Variants in ABCA1 observed in about 807,000 individuals in gnomAD.
The protein encoded by ABCA1 is phospholipid-transporting ATPase ABCA1.
ABCA1 carries 133 observed loss-of-function variants against 262.5 expected under a neutral mutation model. That is an observed-to-expected ratio of 0.51 (90% CI 0.44 to 0.59). The LOEUF (loss-of-function observed/expected upper bound fraction) is 0.59. Ranked by LOEUF, ABCA1 falls within the 20% of genes least tolerant of loss-of-function variation. The pLI is 0.00. For synonymous variants in ABCA1, 1,022 were observed against 1,043.5 expected, an observed-to-expected ratio of 0.98 and a Z score of 0.40; for missense variants, 2,452 against 2,777.5, an observed-to-expected ratio of 0.88 and a Z score of 2.63.
intron 6 of ABCA1, chr9:104,861,289 G>T (rs2472378): frequency 0.33 from 107,855 of 328,718 alleles, 20,886 homozygotes; most frequent in African/African-American, 0.62. Flanking sequence ...CTTGTCTAAA[G>T]TCTCCTGTCC....
intron 9 of ABCA1, among the ~76,000 whole-genome samples, chr9:104,839,707 A>G (rs1039722470): frequency 1.3e-4 from 20 of 152,220 alleles, no homozygotes; most frequent in African/African-American, 4.3e-4. Flanking sequence ...ATGTTTTAAT[A>G]TATGTATACT....
At chr9:104,899,202 T>C (rs1012866347) in intron 2 of ABCA1, among the ~76,000 whole-genome samples, 3 of 152,174 alleles carry the variant, frequency 2.0e-5, no homozygotes, top group African/African-American at 4.8e-5. Context: ...AGGCAGATGG[T>C]GGCCAAGCTG....
intron 43 of ABCA1, among the ~76,000 whole-genome samples, chr9:104,791,479 G>A (rs888119491): frequency 3.3e-5 from 5 of 150,704 alleles, no homozygotes; most frequent in Admixed American, 2.0e-4. Flanking sequence ...CTGTCACCAG[G>A]CTGGAGTGCA....
rs568112600 is a variant in ABCA1 at position 104,818,153 on chromosome 9, T to C, written c.3462+510A>G. 4.2e-5 allele frequency among the ~76,000 whole-genome samples: 6 copies of C among 143,726 alleles called. No individual in the cohort carries two copies. The highest frequency in any genetic ancestry group is 7.4e-5 in the African/African-American group (3 of 40,556). The allele number at this position is 143,726 out of a possible 152,430, so 94.3% of individuals were successfully genotyped here. On this transcript the variant is annotated intron_variant, in intron 23 of 49. Coordinates refer to ENST00000374736, the MANE Select transcript of ABCA1 (RefSeq NM_005502.4). ...TTCCCAGGGTCTCTCTGCACTTTAATTGAGATGATAGAGGTTAAAAAAAAA... is the reference window on the plus strand; with the variant it reads ...TTCCCAGGGTCTCTCTGCACTTTAACTGAGATGATAGAGGTTAAAAAAAAA...
intron 1 of ABCA1, among the ~76,000 whole-genome samples, chr9:104,914,738 T>G (rs1038407886): frequency 1.3e-5 from 2 of 152,146 alleles, no homozygotes; most frequent in Non-Finnish European, 2.9e-5. Flanking sequence ...AAAAGATAGT[T>G]AAAGCAGATT....
At position 104,889,224 on chromosome 9, in the gene ABCA1, A is replaced by G; in HGVS notation, c.67-29T>C. On this transcript the variant is annotated intron_variant, in intron 2 of 49. Transcript: ENST00000374736. ...AGTGGGAAATAAGATAGAACACTGT[A>G]AATTTAAAAATAATATGGATATCCA... 1.9e-6 allele frequency: 3 copies of G among 1,608,438 alleles called. No homozygotes were observed. In the East Asian group the frequency reaches 6.7e-5, roughly 36 times the overall value.
rs72732685 is a variant in ABCA1, at chr9:104,858,907, C to A, written c.544-209G>T. ...GGCACAATGACAGGACACTTAAAAC[C>A]TGCAAGTTGCATTAACTCAGTATCT... On this transcript the variant is annotated intron_variant, in intron 6 of 49. Transcript: ENST00000374736. Among the ~76,000 whole-genome samples, 520 of 152,300 alleles carry A rather than the reference C, an allele frequency of 3.4e-3. 2 individuals are homozygous for A. Among genetic ancestry groups the A allele is most frequent in the Non-Finnish European group, 5.2e-3 (351 of 68,028 alleles).
intron 2 of ABCA1, among the ~76,000 whole-genome samples, chr9:104,901,344 G>A (rs1244505850): frequency 6.6e-6 from 1 of 152,100 alleles, no homozygotes; most frequent in Non-Finnish European, 1.5e-5. Flanking sequence ...TCCCTGCTTT[G>A]TACCTCAGCT....
intron 25 of ABCA1, among the ~76,000 whole-genome samples, chr9:104,815,124 T>C (rs1831628409): frequency 6.6e-6 from 1 of 152,216 alleles, no homozygotes; most frequent in Non-Finnish European, 1.5e-5. Context: ...TTGAGTAGGC[T>C]AGTACTATGA....
chr9:104,858,727 A>T, intron 6 of ABCA1, 29 bp from the exon 7 acceptor site: 1 of 1,612,828 alleles, frequency 6.2e-7, no homozygotes, highest in Non-Finnish European at 8.5e-7. Flanking sequence ...AAGAGAGACA[A>T]GCACAAGAGG....
rs941430199 is a variant in ABCA1 at position 104,792,780 on chromosome 9, T to G, written c.5757+6A>C. ...AGATGAGCTATTGTAACCTGTACTC[T>G]CTCACCTTCGTCAACTCCTTGATTT... On this transcript the variant is annotated splice_donor_region_variant and intron_variant, in intron 42 of 49. Transcript: ENST00000374736. 7 of 1,614,004 alleles carry G rather than the reference T, an allele frequency of 4.3e-6. No individual in the cohort carries two copies. The African/African-American group carries it at 6.7e-5, about 15-fold the overall frequency.
intron 5 of ABCA1, among the ~76,000 whole-genome samples, chr9:104,869,536 T>C (rs1437742658): frequency 6.6e-6 from 1 of 152,214 alleles, no homozygotes; most frequent in Non-Finnish European, 1.5e-5. Flanking sequence ...TGCTCTGCTG[T>C]CTTCTTGAAG....
intron 2 of ABCA1, among the ~76,000 whole-genome samples, chr9:104,897,118 T>C (rs1344926794): frequency 2.6e-5 from 4 of 152,098 alleles, no homozygotes; most frequent in African/African-American, 4.8e-5. Context: ...TGACATGATA[T>C]GAATGTGAAG....
intron 1 of ABCA1, among the ~76,000 whole-genome samples, chr9:104,905,294 C>A (rs998272147): frequency 6.6e-6 from 1 of 152,222 alleles, no homozygotes; most frequent in Admixed American, 6.5e-5. Flanking sequence ...CAAATGAGAT[C>A]TCCATGCCAA....
rs755348141 is a variant in ABCA1, at chr9:104,889,180, C to G, written c.82G>C (p.Glu28Gln). The G allele has an allele frequency of 3.6e-5, 58 of 1,614,030 alleles. 1 individual carries two copies. The highest frequency in any genetic ancestry group is 1.6e-4 in the Middle Eastern group (1 of 6,080). Residue 28 changes from glutamate (E) to glutamine (Q), a missense_variant, in exon 3 of 50, where the codon GAA becomes CAA. Physicochemically the swap from Glu to Gln is conservative, Grantham distance 29 (BLOSUM62 2). Transcript: ENST00000374736. ...RRRQTCQLLL[E>Q]VAWPLFIFLI... ...AAGATAAATAGAGGCCAGGCCACTT[C>G]CAGCAGCAGCTGACACTGAGTGGGA...
rs34544647 is a variant in ABCA1, at chr9:104,893,421, C to CAAAAAAAAAAAAAAAAAAAAAAAAAAA, written c.67-4253_67-4227dup. On this transcript the variant is annotated intron_variant, in intron 2 of 49. Transcript: ENST00000374736. ...TGGGCAACAGAGTGAGACTTCACCT[C>CAAAAAAAAAAAAAAAAAAAAAAAAAAA]AAAAAAAAAAAAAAAAAAAAAAAAA... Among the ~76,000 whole-genome samples the CAAAAAAAAAAAAAAAAAAAAAAAAAAA allele has an allele frequency of 6.2e-4, 22 of 35,264 alleles. 2 individuals are homozygous for CAAAAAAAAAAAAAAAAAAAAAAAAAAA. Among genetic ancestry groups the CAAAAAAAAAAAAAAAAAAAAAAAAAAA allele is most frequent in the East Asian group, 1.3e-3 (1 of 750 alleles). 23.1% of individuals were successfully genotyped at this position (35,264 alleles called of 152,430 possible). A position where few individuals can be genotyped will look rare whatever the true frequency, so the allele number is the denominator to read the frequency against.
chr9:104,802,247 A>G (rs1830402332), intron 33 of ABCA1, 88 bp from the exon 34 acceptor site: 1 of 1,216,276 alleles, frequency 8.2e-7, no homozygotes, highest in South Asian at 1.2e-5. Context: ...TACAAGGTTC[A>G]CTGAGTCAAA....
chr9:104,789,184 C>A (rs1829192465), intron 44 of ABCA1, among the ~76,000 whole-genome samples: 1 of 152,220 alleles, frequency 6.6e-6, no homozygotes, highest in Non-Finnish European at 1.5e-5. Flanking sequence ...TTAGCACCCC[C>A]AGGGTCAGCC....
At chr9:104,876,194 G>A (rs532957684) in intron 5 of ABCA1, among the ~76,000 whole-genome samples, 3 of 152,322 alleles carry the variant, frequency 2.0e-5, no homozygotes, top group Non-Finnish European at 4.4e-5. Context: ...TGCCCCACAA[G>A]TCTAGGAATT....
Sources: allele counts gnomAD v4.1 joint callset (sites outside exome capture counted in the v4.1 genomes callset), GRCh38; gene constraint gnomAD v4.1.1; transcripts MANE v1.5; gene names NCBI Gene and HGNC (gene_info 2026-07-23, HGNC 2026-07-21).